Variants in SSX3 observed in about 807,000 individuals in gnomAD.
SSX3 encodes the protein protein SSX3.
Under a neutral mutation model 14.8 loss-of-function variants are expected in SSX3, and 6 were observed. The observed-to-expected ratio is 0.41, with a 90% CI of 0.22 to 0.80. The LOEUF (loss-of-function observed/expected upper bound fraction) is 0.80. Among genes scored for constraint, SSX3 ranks in the 30% least tolerant of loss-of-function variants. The pLI is 0.34. For missense variants in SSX3, 163 were observed against 152.2 expected (o/e 1.07, Z -0.37); for synonymous variants, 55 against 52.9 (o/e 1.04, Z -0.18).
At chrX:48,349,762 A>G in intron 6 of SSX3, 1 of 1,133,432 alleles carries the variant, frequency 8.8e-7, no homozygotes, top group South Asian at 2.2e-5. Context: ...CCTGGAGCTG[A>G]GGAAATTTGG....
At position 48,349,977 on chromosome X, in the gene SSX3, T is replaced by G. The variant is rs2061254866; in HGVS notation, c.466+10A>C. ...GCCAGTGGGATTGTTCCTGAATTGC[T>G]TCCTCTTACCAGATATCATGTTAAT... On this transcript the variant is annotated intron_variant, in intron 6 of 7. Transcript: ENST00000298396. 1 of 1,211,148 alleles carries G rather than the reference T, an allele frequency of 8.3e-7. No homozygotes were observed. Among genetic ancestry groups the G allele is most frequent in the East Asian group, 3.0e-5 (1 of 33,823 alleles).
chrX:48,351,076 T>C (rs1556949736), intron 5 of SSX3, among the ~76,000 whole-genome samples: 1 of 111,623 alleles, frequency 9.0e-6, no homozygotes, highest in African/African-American at 3.3e-5. Context: ...GATCTTAAGC[T>C]ACTTTTAATT....
chrX:48,349,318 C>G (rs1415657859), intron 6 of SSX3: 1 of 377,827 alleles, frequency 2.6e-6, no homozygotes, highest in East Asian at 4.8e-5. Flanking sequence ...CCACCTTGAC[C>G]AGCCAGCAGC....
Position 48,347,513 on chromosome X carries a change from A to T in SSX3, c.558T>A (p.Asp186Glu). 1 of 1,210,336 alleles carries T rather than the reference A, an allele frequency of 8.3e-7. No homozygotes were observed. Among genetic ancestry groups the T allele is most frequent in the Non-Finnish European group, 1.1e-6 (1 of 895,253 alleles). Reference protein sequence around the residue: ...IYEEISDPEEDDE With the variant: ...IYEEISDPEEEDE Reference sequence around the variant, plus strand: ...AGGTTCTCTTACGGAGTTACTCATCATCTTCCTCAGGATCGCTGATCTCTT... The same window carrying T: ...AGGTTCTCTTACGGAGTTACTCATCTTCTTCCTCAGGATCGCTGATCTCTT... Residue 186 changes from aspartate (D) to glutamate (E), a missense_variant, in exon 7 of 8, where the codon GAT becomes GAA. By Grantham distance (45) the Asp-to-Glu change is conservative (BLOSUM62 2). Coordinates refer to ENST00000298396, the MANE Select transcript of SSX3 (RefSeq NM_021014.4).
intron 1 of SSX3, among the ~76,000 whole-genome samples, chrX:48,355,815 G>A (rs183074006): frequency 0.045 from 5,016 of 111,555 alleles, 298 homozygotes; most frequent in African/African-American, 0.16. Flanking sequence ...TTATTAGAAC[G>A]AAGAGAGCTA....
intron 4 of SSX3, 51 bp from the exon 5 acceptor site, chrX:48,352,200 T>G (rs2061266426): frequency 1.7e-6 from 2 of 1,161,176 alleles, no homozygotes; most frequent in African/African-American, 1.8e-5. Context: ...GTTTCCAAAC[T>G]CTAGAGAGAC....
chrX:48,351,434 C>T (rs1556949864), intron 5 of SSX3, among the ~76,000 whole-genome samples: 4 of 112,195 alleles, frequency 3.6e-5, no homozygotes, highest in African/African-American at 9.7e-5. Context: ...ATGCAAGTGG[C>T]CCCAGTAACA....
chrX:48,352,055 G>C (rs782472247), intron 5 of SSX3, 45 bp downstream of exon 5: 29 of 1,187,764 alleles, frequency 2.4e-5, no homozygotes, highest in Non-Finnish European at 3.1e-5. Flanking sequence ...CGCATCCTTG[G>C]AGGGACAAAG....
At chrX:48,354,815 G>C in intron 2 of SSX3, 69 bp from the exon 3 acceptor site, 5 of 1,200,480 alleles carry the variant, frequency 4.2e-6, no homozygotes, top group Non-Finnish European at 5.6e-6. Context: ...AGCTGGAGTC[G>C]CTTCCTGTGT....
At chrX:48,347,855 G>A (rs1449304783) in intron 6 of SSX3, among the ~76,000 whole-genome samples, 2 of 111,899 alleles carry the variant, frequency 1.8e-5, no homozygotes, top group Non-Finnish European at 3.8e-5. Flanking sequence ...TTCACTTACG[G>A]GAACATTCCC....
In SSX3 at chrX:48,354,750, C is replaced by CAAA. The variant is rs782293469; in HGVS notation, c.70-7_70-5dup. 1.1e-5 allele frequency: 12 copies of CAAA among 1,069,543 alleles called. No homozygotes were observed. The highest frequency in any genetic ancestry group is 8.1e-5 in the Admixed American group (3 of 36,881). The allele number at this position is 1,069,543 out of a possible 1,213,427, so 88.1% of individuals were successfully genotyped here. A position where few individuals can be genotyped will look rare whatever the true frequency, so the allele number is the denominator to read the frequency against. On this transcript the variant is annotated splice_region_variant and splice_polypyrimidine_tract_variant and intron_variant, in intron 2 of 7. Transcript: ENST00000298396. ...ATTTGGCAATATCATCGAAGGCCTA[C>CAAA]AAAAAAAAAAAAAAGGAATTATGGC...
intron 6 of SSX3, 153 bp downstream of exon 6, chrX:48,349,834 G>C: frequency 1.7e-6 from 2 of 1,144,340 alleles, no homozygotes; most frequent in Non-Finnish European, 2.3e-6. Flanking sequence ...TCTGTCTCTG[G>C]AAGTCATGTC....
intron 2 of SSX3, 156 bp downstream of exon 2, chrX:48,355,025 G>A: frequency 1.3e-6 from 1 of 754,291 alleles, no homozygotes; most frequent in Non-Finnish European, 1.6e-6. Flanking sequence ...GGGATGCTAG[G>A]TGATGACAGA....
Position 48,349,373 on chromosome X carries a change from C to G in SSX3, c.466+614G>C, listed in dbSNP as rs1278370779. On this transcript the variant is annotated intron_variant, in intron 6 of 7. Coordinates refer to ENST00000298396, the MANE Select transcript of SSX3 (RefSeq NM_021014.4). ...CCCTCCACCAGCAAAAAGAGTGTGA[C>G]TCACTGAAGGCTCAGAAGATTGTTA... The G allele has an allele frequency of 6.9e-5, 44 of 633,880 alleles. No individual in the cohort carries two copies. The African/African-American group carries it at 9.9e-4, about 14-fold the overall frequency. 52.2% of individuals were successfully genotyped at this position (633,880 alleles called of 1,213,427 possible). A position where few individuals can be genotyped will look rare whatever the true frequency, so the allele number is the denominator to read the frequency against.
chrX:48,352,534 G>A (rs1306915168), intron 4 of SSX3, among the ~76,000 whole-genome samples: 2 of 112,825 alleles, frequency 1.8e-5, no homozygotes, highest in Non-Finnish European at 3.7e-5. Context: ...TGTGAATTAA[G>A]CTGTTAAATG....
At chrX:48,353,532 G>A (rs1218042187) in intron 4 of SSX3, among the ~76,000 whole-genome samples, 2 of 111,444 alleles carry the variant, frequency 1.8e-5, no homozygotes, top group African/African-American at 6.5e-5. Context: ...GGCTGAGGCA[G>A]AAGAATCACT....
chrX:48,354,915 C>T, intron 2 of SSX3, 169 bp from the exon 3 acceptor site: 1 of 754,229 alleles, frequency 1.3e-6, no homozygotes, highest in Non-Finnish European at 1.6e-6. Flanking sequence ...TCACCCCTGC[C>T]ACACTGTCGG....
chrX:48,348,540 C>T (rs1361064559), intron 6 of SSX3: 19 of 456,097 alleles, frequency 4.2e-5, no homozygotes, highest in Non-Finnish European at 2.8e-5. Context: ...ATGCCTTTCA[C>T]TCTAAATCAC....
chrX:48,351,617 C>T (rs782309480), intron 5 of SSX3, among the ~76,000 whole-genome samples: 118 of 112,281 alleles, frequency 1.1e-3, no homozygotes, highest in African/African-American at 3.6e-3. Flanking sequence ...ACTGACACTG[C>T]GCCTCAGGAA....
Sources: allele counts gnomAD v4.1 joint callset (sites outside exome capture counted in the v4.1 genomes callset), GRCh38; gene constraint gnomAD v4.1.1; transcripts MANE v1.5; gene names NCBI Gene and HGNC (gene_info 2026-07-23, HGNC 2026-07-21).